C12orf43: variants seen among roughly 807,000 people sequenced by gnomAD.
C12orf43 encodes protein CUSTOS.
C12orf43 carries 15 observed loss-of-function variants against 20.6 expected under a neutral mutation model. The ratio of observed to expected loss-of-function variants is 0.73; its 90% CI spans 0.49 to 1.12. The LOEUF (loss-of-function observed/expected upper bound fraction) is 1.12, where lower values mean the gene tolerates loss of function less well. C12orf43 is among the 50% of genes most tolerant of loss of function. The probability of loss-of-function intolerance (pLI) is 0.00; values close to 1 mark genes in which losing one functional copy is unlikely to be tolerated. For synonymous variants in C12orf43, 144 were observed against 130.8 expected (o/e 1.10, Z -0.69); for missense variants, 334 against 344.4 (o/e 0.97, Z 0.24).
At chr12:121,013,063 T>C (rs1868544242) in intron 1 of C12orf43, among the ~76,000 whole-genome samples, 1 of 152,096 alleles carries the variant, frequency 6.6e-6, no homozygotes, top group Non-Finnish European at 1.5e-5. Context: ...AACAGCTCCA[T>C]GGGGGCACTG....
At chr12:121,012,632 C>T (rs1281920813) in intron 1 of C12orf43, 2 of 565,588 alleles carry the variant, frequency 3.5e-6, no homozygotes, top group African/African-American at 3.8e-5. Flanking sequence ...GCAGGCGGAT[C>T]ACGAGGTCAA....
At chr12:121,012,687 C>G (rs1186104573) in intron 1 of C12orf43, 1 of 432,228 alleles carries the variant, frequency 2.3e-6, no homozygotes, top group Non-Finnish European at 4.3e-6. Context: ...CCCATCTCTA[C>G]TAAAAAATAC....
At chr12:121,007,778 T>C (rs1878134488) in intron 3 of C12orf43, among the ~76,000 whole-genome samples, 1 of 152,130 alleles carries the variant, frequency 6.6e-6, no homozygotes, top group African/African-American at 2.4e-5. Flanking sequence ...CCTGGGTGCT[T>C]TCCCTAACCT....
chr12:121,014,640 A>AT (rs1313601808), intron 1 of C12orf43, among the ~76,000 whole-genome samples: 2 of 55,122 alleles, frequency 3.6e-5, no homozygotes, highest in African/African-American at 5.2e-5. Flanking sequence ...CAAAAAAAAA[A>AT]AATGCAAAAA....
At chr12:121,010,796 G>T in intron 3 of C12orf43, 32 bp downstream of exon 3, 1 of 1,558,920 alleles carries the variant, frequency 6.4e-7, no homozygotes, top group South Asian at 1.2e-5. Context: ...TATTAACAAG[G>T]GCAAGAGAGG....
intron 3 of C12orf43, among the ~76,000 whole-genome samples, chr12:121,009,935 C>T (rs1475194582): frequency 6.6e-6 from 1 of 152,188 alleles, no homozygotes; most frequent in Non-Finnish European, 1.5e-5. Context: ...CCTTCCTTGC[C>T]CTCTTGTGGC....
intron 4 of C12orf43, 117 bp downstream of exon 4, chr12:121,006,204 A>T: frequency 1.1e-6 from 1 of 876,328 alleles, no homozygotes; most frequent in Non-Finnish European, 1.8e-6. Flanking sequence ...TGGCAGAGAG[A>T]GTTCCTATCT....
Position 121,002,596 on chromosome 12 carries a change from G to C in C12orf43, c.*1557C>G. ...GCAGGCCAGAGGCCTGCGAAGAGGAGACAGGCTCCAGCACCCACGCTCTCA... is the reference window on the plus strand; with the variant it reads ...GCAGGCCAGAGGCCTGCGAAGAGGACACAGGCTCCAGCACCCACGCTCTCA... On this transcript the variant is annotated 3_prime_UTR_variant, in exon 6 of 6. Coordinates refer to ENST00000288757, the MANE Select transcript of C12orf43 (RefSeq NM_022895.3). 2.4e-6 allele frequency: 1 copy of C among 412,458 alleles called. No homozygotes were observed. 25.5% of individuals were successfully genotyped at this position (412,458 alleles called of 1,614,324 possible).
In C12orf43 at chr12:121,004,201, G is replaced by C. The variant is rs781769620; in HGVS notation, c.741C>G (p.Thr247=). 6.2e-7 allele frequency: 1 copy of C among 1,614,194 alleles called. No individual in the cohort carries two copies. ...CACTCTTTGCTGGTGGGAATGGAGA[G>C]GTCTCGCTGGCCTTCTTTGCCTTTT... ...KKKKAKKASE[T]SPFPPAKSAT... Residue 247 remains threonine, a synonymous_variant, in exon 6 of 6, where the codon ACC becomes ACG. Transcript: ENST00000288757. The surrounding 1 kb of genome is among the most constrained non-coding windows in gnomAD (Gnocchi z 5.6).
At position 121,004,227 on chromosome 12, in the gene C12orf43, T is replaced by A; in HGVS notation, c.715A>T (p.Lys239Ter). 6.2e-7 allele frequency: 1 copy of A among 1,614,194 alleles called. No homozygotes were observed. Among genetic ancestry groups the A allele is most frequent in the Non-Finnish European group, 8.5e-7 (1 of 1,180,026 alleles). The change falls in exon 6 of 6, where the codon AAA (lysine) becomes TAA (stop). Residue 239 changes from lysine to a stop codon, truncating the protein, a stop_gained. Coordinates refer to ENST00000288757, the MANE Select transcript of C12orf43 (RefSeq NM_022895.3). LOFTEE classifies it low-confidence loss of function (END_TRUNC). This position sits in a 1 kb window ranked among gnomAD's most constrained non-coding sequence, Gnocchi z 5.6. Reference protein sequence around the residue: ...DQVSLGTKKKKKAKKASETSP... With the variant: ...DQVSLGTKKK ...GTCTCGCTGGCCTTCTTTGCCTTTT[T>A]CTTCTTTTTGGTCCCAAGCGACACC... is the stretch of plus-strand genomic sequence containing the variant.
chr12:121,000,868 C>A lies in C12orf43; in HGVS notation c.*3285G>T. ...ACACTAAGATGTACTCAGGCCACTCCATGGGCGGCCGTGGACCCTGGCTGG... is the reference window on the plus strand; with the variant it reads ...ACACTAAGATGTACTCAGGCCACTCAATGGGCGGCCGTGGACCCTGGCTGG... On this transcript the variant is annotated 3_prime_UTR_variant, in exon 6 of 6. Coordinates refer to ENST00000288757, the MANE Select transcript of C12orf43 (RefSeq NM_022895.3). 1 of 679,538 alleles carries A rather than the reference C, an allele frequency of 1.5e-6. No homozygotes were observed. Among genetic ancestry groups the A allele is most frequent in the East Asian group, 2.8e-5 (1 of 35,482 alleles). 42.1% of individuals were successfully genotyped at this position (679,538 alleles called of 1,614,324 possible).
rs1012220956 is a variant in C12orf43 at position 121,000,996 on chromosome 12, C to T, written c.*3157G>A. 4.4e-6 allele frequency: 7 copies of T among 1,603,472 alleles called. No individual in the cohort carries two copies. In the Admixed American group the frequency reaches 5.0e-5, roughly 11 times the overall value. ...CCCTGCCTCCCCATCCTGAGTACCC[C>T]TAGGGACAGGCAGGTGGGGTGGGTG... On this transcript the variant is annotated 3_prime_UTR_variant, in exon 6 of 6. Coordinates refer to ENST00000288757, the MANE Select transcript of C12orf43 (RefSeq NM_022895.3).
Position 121,002,739 on chromosome 12 carries a change from G to C in C12orf43, c.*1414C>G. 1 of 309,152 alleles carries C rather than the reference G, an allele frequency of 3.2e-6. No individual in the cohort carries two copies. Among genetic ancestry groups the C allele is most frequent in the Non-Finnish European group, 6.3e-6 (1 of 157,764 alleles). The allele number at this position is 309,152 out of a possible 1,614,324, so 19.2% of individuals were successfully genotyped here. On this transcript the variant is annotated 3_prime_UTR_variant, in exon 6 of 6. Coordinates refer to ENST00000288757, the MANE Select transcript of C12orf43 (RefSeq NM_022895.3). ...TTTGTTTTGGAGACAGGGTCTCACT[G>C]TCACCCAGGCTGGACTGCAGTGGCA...
chr12:121,011,046 C>T lies in C12orf43; in HGVS notation c.188+58G>A, dbSNP rs543590828. ...CAGGCGTGAAGCCTAGCATCTGGCA[C>T]ACGCAGGGGATCAGTATTTGTTGAA... On this transcript the variant is annotated intron_variant, in intron 2 of 5. Transcript: ENST00000288757. 4.9e-5 allele frequency: 78 copies of T among 1,596,384 alleles called. No individual in the cohort carries two copies. The African/African-American group carries it at 7.0e-4, about 14-fold the overall frequency.
rs1223530703 is a variant in C12orf43, at chr12:121,003,573, CAT to C, written c.*578_*579del. On this transcript the variant is annotated 3_prime_UTR_variant, in exon 6 of 6. Coordinates refer to ENST00000288757, the MANE Select transcript of C12orf43 (RefSeq NM_022895.3). Reference sequence around the variant, plus strand: ...AATCTGGTCGGCTCAGAGACACCATCATGTGTGGTATATTCACAAATGCAGAC... The same window carrying C: ...AATCTGGTCGGCTCAGAGACACCATCGTGTGGTATATTCACAAATGCAGAC... The C allele has an allele frequency of 6.5e-6, 1 of 153,280 alleles. No homozygotes were observed. Among genetic ancestry groups the C allele is most frequent in the African/African-American group, 2.4e-5 (1 of 41,438 alleles). 9.5% of individuals were successfully genotyped at this position (153,280 alleles called of 1,614,324 possible).
In C12orf43 at chr12:121,006,405, A is replaced by G; in HGVS notation, c.288-11T>C. On this transcript the variant is annotated splice_polypyrimidine_tract_variant and intron_variant, in intron 3 of 5. Coordinates refer to ENST00000288757, the MANE Select transcript of C12orf43 (RefSeq NM_022895.3). ...GAGATGGTAATGAAGCTACAGGGAGACGAGACGGTTGATTTAAGATGAGAT... is the reference window on the plus strand; with the variant it reads ...GAGATGGTAATGAAGCTACAGGGAGGCGAGACGGTTGATTTAAGATGAGAT... The G allele has an allele frequency of 6.2e-7, 1 of 1,612,988 alleles. No homozygotes were observed. The highest frequency in any genetic ancestry group is 8.5e-7 in the Non-Finnish European group (1 of 1,179,094).
chr12:121,004,008 C>T lies in C12orf43; in HGVS notation c.*145G>A, dbSNP rs1357589687. 2.2e-6 allele frequency: 2 copies of T among 911,072 alleles called. No individual in the cohort carries two copies. Among genetic ancestry groups the T allele is most frequent in the South Asian group, 2.9e-5 (2 of 69,140 alleles). 56.4% of individuals were successfully genotyped at this position (911,072 alleles called of 1,614,324 possible). A position where few individuals can be genotyped will look rare whatever the true frequency, so the allele number is the denominator to read the frequency against. ...CCAACTCTCGAGCAAGCCTTCATCA[C>T]CATCAGGGTCTCATGGGCAGTCTGG... On this transcript the variant is annotated 3_prime_UTR_variant, in exon 6 of 6. Coordinates refer to ENST00000288757, the MANE Select transcript of C12orf43 (RefSeq NM_022895.3). This position sits in a 1 kb window ranked among gnomAD's most constrained non-coding sequence, Gnocchi z 5.6.
At chr12:121,009,865 A>C (rs1235663727) in intron 3 of C12orf43, among the ~76,000 whole-genome samples, 1 of 152,254 alleles carries the variant, frequency 6.6e-6, no homozygotes, top group Non-Finnish European at 1.5e-5. Context: ...TGAGAATGTA[A>C]GATAGAGACC....
rs891297628 is a variant in C12orf43 at position 121,002,676 on chromosome 12, T to C, written c.*1477A>G. On this transcript the variant is annotated 3_prime_UTR_variant, in exon 6 of 6. Transcript: ENST00000288757. ...CTGAGACTCTAATGACAAAGCCAGA[T>C]TTCATCTTAACCTCAAGCTTCTACT... 29 of 337,706 alleles carry C rather than the reference T, an allele frequency of 8.6e-5. No homozygotes were observed. The highest frequency in any genetic ancestry group is 1.4e-4 in the Non-Finnish European group (25 of 172,928). 20.9% of individuals were successfully genotyped at this position (337,706 alleles called of 1,614,324 possible).
Sources: gnomAD v4.1 joint callset for allele counts (sites outside exome capture counted in the v4.1 genomes callset) on GRCh38, gnomAD v4.1.1 for gene constraint, Gnocchi (gnomAD v3.1) non-coding constraint, MANE v1.5 for transcripts, NCBI Gene and HGNC (gene_info 2026-07-23, HGNC 2026-07-21) for gene names.